RRAS2: variants seen among roughly 807,000 people sequenced by gnomAD.
RRAS2 encodes the protein RAS related 2.
Under a neutral mutation model 27.6 loss-of-function variants are expected in RRAS2, and 7 were observed. That is an observed-to-expected ratio of 0.25 (90% CI 0.14 to 0.48). The LOEUF (loss-of-function observed/expected upper bound fraction) is 0.48, where lower values mean the gene tolerates loss of function less well. Among genes scored for constraint, RRAS2 ranks in the 20% least tolerant of loss-of-function variants. The pLI is 0.99. For missense variants in RRAS2, 178 were observed against 256.2 expected (o/e 0.69, Z 2.08); for synonymous variants, 86 against 90.9 (o/e 0.95, Z 0.31).
At chr11:14,295,185 T>G (rs548459826) in intron 2 of RRAS2, among the ~76,000 whole-genome samples, 174 of 152,200 alleles carry the variant, frequency 1.1e-3, no homozygotes, top group African/African-American at 4.0e-3. Context: ...TTTTATCCCC[T>G]CCATGGAAAA....
intron 4 of RRAS2, among the ~76,000 whole-genome samples, chr11:14,293,595 A>G (rs1356818702): frequency 6.6e-6 from 1 of 152,042 alleles, no homozygotes; most frequent in Non-Finnish European, 1.5e-5. Context: ...ATGGTTTTAT[A>G]AAGGGCGGTT....
chr11:14,349,110 C>G (rs1289297361), intron 1 of RRAS2, among the ~76,000 whole-genome samples: 7 of 151,902 alleles, frequency 4.6e-5, no homozygotes, highest in Non-Finnish European at 1.0e-4. Context: ...GGACTATAGG[C>G]ACCCGCGACC....
At chr11:14,299,513 T>C (rs1209719272) in intron 1 of RRAS2, among the ~76,000 whole-genome samples, 3 of 152,334 alleles carry the variant, frequency 2.0e-5, no homozygotes, top group African/African-American at 4.8e-5. Context: ...TTTCTTTACA[T>C]GCTATGCAAA....
chr11:14,294,444 T>C lies in RRAS2; in HGVS notation c.408+27A>G, dbSNP rs1348647715. 4 of 1,424,362 alleles carry C rather than the reference T, an allele frequency of 2.8e-6. No individual in the cohort carries two copies. The African/African-American group carries it at 4.3e-5, about 15-fold the overall frequency. 88.2% of individuals were successfully genotyped at this position (1,424,362 alleles called of 1,614,324 possible). On this transcript the variant is annotated intron_variant, in intron 4 of 5. Coordinates refer to ENST00000256196, the MANE Select transcript of RRAS2 (RefSeq NM_012250.6). ...CACTCACATGATTATAAACAATTGG[T>C]TTCCCAACAGTGAAATTCCTTCTCA...
chr11:14,330,626 G>C (rs781896379), intron 1 of RRAS2, among the ~76,000 whole-genome samples: 3 of 151,884 alleles, frequency 2.0e-5, no homozygotes, highest in Non-Finnish European at 4.4e-5. Context: ...AAAAAGCAGA[G>C]GCATTATGAT....
chr11:14,319,637 C>T (rs545789886), intron 1 of RRAS2, among the ~76,000 whole-genome samples: 3 of 151,892 alleles, frequency 2.0e-5, no homozygotes, highest in African/African-American at 7.3e-5. Context: ...GGATTACAGG[C>T]GTGAGCCACC....
At chr11:14,329,552 A>G (rs1848443480) in intron 1 of RRAS2, among the ~76,000 whole-genome samples, 1 of 152,212 alleles carries the variant, frequency 6.6e-6, no homozygotes, top group South Asian at 2.1e-4. Context: ...TTTCTTTCCT[A>G]AAGAGGGTCC....
At position 14,349,010 on chromosome 11, in the gene RRAS2, G is replaced by C. The variant is rs371495957; in HGVS notation, c.108+9753C>G. ...AGATAGAGTCTCGCTCTGTTGCCCA[G>C]GCTGGAGTGCAGTGGCGCGATCTCG... On this transcript the variant is annotated intron_variant, in intron 1 of 5. Transcript: ENST00000256196. 4.6e-5 allele frequency among the ~76,000 whole-genome samples: 7 copies of C among 151,998 alleles called. No homozygotes were observed. In the East Asian group the frequency reaches 1.3e-3, roughly 29 times the overall value.
intron 4 of RRAS2, among the ~76,000 whole-genome samples, chr11:14,290,110 G>A (rs902078514): frequency 6.6e-6 from 1 of 152,198 alleles, no homozygotes; most frequent in Non-Finnish European, 1.5e-5. Context: ...ACGTAAGTGT[G>A]TCAAGACATT....
At chr11:14,341,626 G>A (rs782553530) in intron 1 of RRAS2, among the ~76,000 whole-genome samples, 56 of 152,040 alleles carry the variant, frequency 3.7e-4, no homozygotes, top group Non-Finnish European at 1.5e-4. Flanking sequence ...TTCCTACTCT[G>A]AAGGAAAACC....
intron 1 of RRAS2, chr11:14,364,314 T>A: frequency 2.2e-6 from 3 of 1,386,092 alleles, no homozygotes; most frequent in Non-Finnish European, 3.0e-6. Flanking sequence ...TAACCTCATC[T>A]GTAGCTACAA....
At chr11:14,309,978 C>G (rs1410773182) in intron 1 of RRAS2, among the ~76,000 whole-genome samples, 1 of 152,126 alleles carries the variant, frequency 6.6e-6, no homozygotes, top group Non-Finnish European at 1.5e-5. Context: ...ACTTAAGAAG[C>G]TATTACAATA....
chr11:14,319,420 G>C (rs1350329669), intron 1 of RRAS2, among the ~76,000 whole-genome samples: 2 of 147,108 alleles, frequency 1.4e-5, no homozygotes, highest in African/African-American at 5.1e-5. Flanking sequence ...CTGCAGTGGC[G>C]CAATCTCGGC....
At chr11:14,362,855 A>C (rs536428431), upstream of RRAS2, among the ~76,000 whole-genome samples, 1 of 152,336 alleles carries the variant, frequency 6.6e-6, no homozygotes. Context: ...TCGCAGAAGC[A>C]GTGTGATGCT....
chr11:14,307,700 T>A (rs1268171926), intron 1 of RRAS2, among the ~76,000 whole-genome samples: 2 of 148,542 alleles, frequency 1.3e-5, no homozygotes, highest in Non-Finnish European at 3.0e-5. Flanking sequence ...TGCGACAGTT[T>A]AAAAAAAAAA....
rs1400955278 is a variant in RRAS2, at chr11:14,355,158, TA to T, written c.108+3604del. Reference sequence around the variant, plus strand: ...CTAAACACACAGCTAGTTAAATGAATAAAAAAAAAAAAACACTCCTAGAATT... The same window carrying T: ...CTAAACACACAGCTAGTTAAATGAATAAAAAAAAAAAACACTCCTAGAATT... On this transcript the variant is annotated intron_variant, in intron 1 of 5. Transcript: ENST00000256196. 3.1e-3 allele frequency among the ~76,000 whole-genome samples: 420 copies of T among 133,922 alleles called. 1 individual carries two copies. Among genetic ancestry groups the T allele is most frequent in the Middle Eastern group, 0.015 (4 of 268 alleles). The allele number at this position is 133,922 out of a possible 152,430, so 87.9% of individuals were successfully genotyped here.
Position 14,358,911 on chromosome 11 carries a change from G to A in RRAS2, c.-41C>T, listed in dbSNP as rs1849142237. ...CCCAGCCTGACTGCGCCGAGCCGCC[G>A]CTGCCGCCCGCCCTAGGCCCGGCTC... On this transcript the variant is annotated 5_prime_UTR_variant, in exon 1 of 6. Coordinates refer to ENST00000256196, the MANE Select transcript of RRAS2 (RefSeq NM_012250.6). The surrounding 1 kb of genome is among the most constrained non-coding windows in gnomAD (Gnocchi z 5.1). 1 of 1,313,416 alleles carries A rather than the reference G, an allele frequency of 7.6e-7. No homozygotes were observed. Among genetic ancestry groups the A allele is most frequent in the Non-Finnish European group, 9.8e-7 (1 of 1,020,122 alleles). The allele number at this position is 1,313,416 out of a possible 1,614,324, so 81.4% of individuals were successfully genotyped here.
At position 14,294,693 on chromosome 11, in the gene RRAS2, T is replaced by G. The variant is rs1591449422; in HGVS notation, c.299+67A>C. ...TTCCTTTTTCTATAAAAACAAAAAGTCCAAACTCAATAAAGTCTAGTGATC... is the reference window on the plus strand; with the variant it reads ...TTCCTTTTTCTATAAAAACAAAAAGGCCAAACTCAATAAAGTCTAGTGATC... On this transcript the variant is annotated intron_variant, in intron 3 of 5. Coordinates refer to ENST00000256196, the MANE Select transcript of RRAS2 (RefSeq NM_012250.6). The G allele has an allele frequency of 1.9e-6, 3 of 1,543,958 alleles. No individual in the cohort carries two copies. The East Asian group carries it at 6.7e-5, about 35-fold the overall frequency.
At chr11:14,307,434 T>C (rs1239523205) in intron 1 of RRAS2, among the ~76,000 whole-genome samples, 2 of 152,134 alleles carry the variant, frequency 1.3e-5, no homozygotes, top group African/African-American at 2.4e-5. Context: ...TCGCCCAGGC[T>C]GGAGAGCAGT....
Sources: gnomAD v4.1 joint callset for allele counts (sites outside exome capture counted in the v4.1 genomes callset) on GRCh38, gnomAD v4.1.1 for gene constraint, Gnocchi (gnomAD v3.1) non-coding constraint, MANE v1.5 for transcripts, NCBI Gene and HGNC (gene_info 2026-07-23, HGNC 2026-07-21) for gene names.